The following IMMP2L variants were observed in gnomAD, a reference collection of about 807,000 sequenced individuals.
IMMP2L encodes the protein inner mitochondrial membrane peptidase subunit 2, also known as mitochondrial inner membrane protease subunit 2.
Under a neutral mutation model 19.3 loss-of-function variants are expected in IMMP2L, and 18 were observed. The ratio of observed to expected loss-of-function variants is 0.93; its 90% CI spans 0.64 to 1.38. IMMP2L has a LOEUF of 1.38. Ranked by LOEUF, IMMP2L falls within the 40% of genes most tolerant of loss-of-function variation. The probability of loss-of-function intolerance (pLI) is 0.00; values close to 1 mark genes in which losing one functional copy is unlikely to be tolerated. For missense variants in IMMP2L, 233 were observed against 218.2 expected (o/e 1.07, Z -0.43); for synonymous variants, 76 against 73.0 (o/e 1.04, Z -0.21).
chr7:111,174,624 G>T (rs1043343370), intron 3 of IMMP2L, among the ~76,000 whole-genome samples: 1 of 151,496 alleles, frequency 6.6e-6, no homozygotes, highest in African/African-American at 2.4e-5. Flanking sequence ...TTCTATTACC[G>T]TATGAAAAAC....
intron 3 of IMMP2L, among the ~76,000 whole-genome samples, chr7:111,463,014 C>T (rs938642643): frequency 6.6e-5 from 10 of 152,064 alleles, no homozygotes; most frequent in African/African-American, 1.9e-4. Context: ...CTCACAGTTC[C>T]GGAGGCCAGA....
At chr7:110,959,324 T>C (rs1166435388) in intron 4 of IMMP2L, among the ~76,000 whole-genome samples, 1 of 151,970 alleles carries the variant, frequency 6.6e-6, no homozygotes, top group East Asian at 1.9e-4. Flanking sequence ...GCACCTTGCC[T>C]GTCACAAGTC....
chr7:111,352,525 T>C (rs540506654), intron 3 of IMMP2L, among the ~76,000 whole-genome samples: 33 of 152,158 alleles, frequency 2.2e-4, no homozygotes, highest in African/African-American at 5.5e-4. Context: ...TTTTCTGCAA[T>C]AGAACTTACC....
chr7:111,242,709 A>C (rs1236995155), intron 3 of IMMP2L, among the ~76,000 whole-genome samples: 3 of 151,950 alleles, frequency 2.0e-5, no homozygotes, highest in African/African-American at 7.3e-5. Context: ...GACCACTCTA[A>C]ATACTCCTCC....
intron 3 of IMMP2L, among the ~76,000 whole-genome samples, chr7:111,291,506 G>A (rs185345054): frequency 6.6e-6 from 1 of 152,168 alleles, no homozygotes; most frequent in African/African-American, 2.4e-5. Context: ...CTTTAACCTG[G>A]TATAAGGAGT....
At chr7:111,071,932 A>C (rs1041623410) in intron 3 of IMMP2L, among the ~76,000 whole-genome samples, 4 of 152,200 alleles carry the variant, frequency 2.6e-5, no homozygotes, top group Non-Finnish European at 5.9e-5. Flanking sequence ...ACAAATTTTC[A>C]TAAAGTTCCC....
At chr7:111,167,503 C>G (rs1201105440) in intron 3 of IMMP2L, among the ~76,000 whole-genome samples, 1 of 151,906 alleles carries the variant, frequency 6.6e-6, no homozygotes, top group African/African-American at 2.4e-5. Flanking sequence ...AACTCAGGTG[C>G]CCCTCAGCTT....
intron 4 of IMMP2L, among the ~76,000 whole-genome samples, chr7:110,931,618 C>T (rs898128030): frequency 7.9e-5 from 12 of 152,092 alleles, no homozygotes; most frequent in African/African-American, 2.7e-4. Context: ...CTCCCTGGCC[C>T]GAGTCACCAT....
At chr7:111,328,589 T>C (rs1563064720) in intron 3 of IMMP2L, among the ~76,000 whole-genome samples, 1 of 151,894 alleles carries the variant, frequency 6.6e-6, no homozygotes, top group Non-Finnish European at 1.5e-5. Flanking sequence ...GAATTAGTTA[T>C]AAAAACTAGA....
Position 111,360,402 on chromosome 7 carries a change from G to A in IMMP2L, c.239+126836C>T, listed in dbSNP as rs904018838. Among the ~76,000 whole-genome samples the A allele has an allele frequency of 2.6e-5, 4 of 152,188 alleles. 1 individual carries two copies. The highest frequency in any genetic ancestry group is 5.9e-5 in the Non-Finnish European group (4 of 68,040). On this transcript the variant is annotated intron_variant, in intron 3 of 5. Transcript: ENST00000405709. ...CCCTTTCCCAAGTACATACCTGTGT[G>A]AGGGAAGATTGTTTTCATACATACT...
intron 3 of IMMP2L, among the ~76,000 whole-genome samples, chr7:111,021,120 A>G (rs1337681777): frequency 2.0e-5 from 3 of 152,230 alleles, no homozygotes; most frequent in Non-Finnish European, 4.4e-5. Context: ...ACACTGCTCA[A>G]TATAGAGAGT....
chr7:111,505,640 A>G (rs1332961511), intron 2 of IMMP2L, among the ~76,000 whole-genome samples: 1 of 152,204 alleles, frequency 6.6e-6, no homozygotes. Flanking sequence ...CTATGCAGCC[A>G]TAAAAAATGA....
chr7:110,694,024 T>C (rs1793694757), intron 5 of IMMP2L, among the ~76,000 whole-genome samples: 1 of 152,130 alleles, frequency 6.6e-6, no homozygotes, highest in Admixed American at 6.6e-5. Context: ...GGAATGAGTA[T>C]CCCAAATACA....
intron 3 of IMMP2L, among the ~76,000 whole-genome samples, chr7:111,361,371 G>A (rs1829246555): frequency 6.6e-6 from 1 of 151,994 alleles, no homozygotes; most frequent in African/African-American, 2.4e-5. Context: ...AGATTTAATT[G>A]TGCAGGATTA....
At chr7:111,511,724 G>T (rs1186828046) in intron 2 of IMMP2L, among the ~76,000 whole-genome samples, 1 of 150,928 alleles carries the variant, frequency 6.6e-6, no homozygotes, top group Non-Finnish European at 1.5e-5. Flanking sequence ...AGACCTAGCA[G>T]AACAGAAACA....
intron 5 of IMMP2L, among the ~76,000 whole-genome samples, chr7:110,849,098 T>C (rs1805949499): frequency 6.6e-6 from 1 of 152,112 alleles, no homozygotes. Flanking sequence ...CAATGTATGC[T>C]CATCATTGTA....
intron 3 of IMMP2L, among the ~76,000 whole-genome samples, chr7:111,398,898 A>T (rs1222355804): frequency 6.6e-6 from 1 of 151,198 alleles, no homozygotes; most frequent in African/African-American, 2.4e-5. Context: ...AAAAAAAAAA[A>T]TACTTAGGAA....
In IMMP2L at chr7:111,403,003, C is replaced by A. The variant is rs994319431; in HGVS notation, c.239+84235G>T. Among the ~76,000 whole-genome samples, 166 of 107,876 alleles carry A rather than the reference C, an allele frequency of 1.5e-3. 3 individuals carry two copies. Among genetic ancestry groups the A allele is most frequent in the Non-Finnish European group, 2.2e-3 (116 of 52,068 alleles). 70.8% of individuals were successfully genotyped at this position (107,876 alleles called of 152,430 possible). On this transcript the variant is annotated intron_variant, in intron 3 of 5. Coordinates refer to ENST00000405709, the MANE Select transcript of IMMP2L (RefSeq NM_032549.4). ...CACTGCAGCCTTGACCCCCCCCCCC[C>A]ACCCCGCCAGGCTCAGGTGATCCTC...
intron 3 of IMMP2L, among the ~76,000 whole-genome samples, chr7:111,087,458 A>G (rs1487646818): frequency 6.8e-6 from 1 of 146,700 alleles, no homozygotes; most frequent in Non-Finnish European, 1.5e-5. Flanking sequence ...TAAAAAAAGA[A>G]AAAAAAAAAA....
Sources: allele counts gnomAD v4.1 joint callset (sites outside exome capture counted in the v4.1 genomes callset), GRCh38; gene constraint gnomAD v4.1.1; transcripts MANE v1.5; gene names NCBI Gene and HGNC (gene_info 2026-07-23, HGNC 2026-07-21).